Variants in SYNJ2BP observed in about 807,000 individuals in gnomAD.
The protein encoded by SYNJ2BP is synaptojanin-2-binding protein.
A neutral mutation model predicts 16.9 loss-of-function variants in SYNJ2BP; 10 were observed. The ratio of observed to expected loss-of-function variants is 0.59; its 90% CI spans 0.36 to 1.00. The LOEUF (loss-of-function observed/expected upper bound fraction) is 1.00, where lower values mean the gene tolerates loss of function less well. Ranked by LOEUF, SYNJ2BP falls within the 50% of genes least tolerant of loss-of-function variation. The pLI, the probability that SYNJ2BP is intolerant of heterozygous loss-of-function variation, is 0.01. For missense variants in SYNJ2BP, 162 were observed against 186.7 expected (o/e 0.87, Z 0.77); for synonymous variants, 54 against 68.4 (o/e 0.79, Z 1.04).
At chr14:70,384,802 A>G (rs1887825081) in intron 2 of SYNJ2BP, among the ~76,000 whole-genome samples, 2 of 152,204 alleles carry the variant, frequency 1.3e-5, no homozygotes, top group South Asian at 2.1e-4. Context: ...ACTTAAAACC[A>G]TGATTTTAAG....
intron 1 of SYNJ2BP, among the ~76,000 whole-genome samples, chr14:70,402,638 G>C (rs941878793): frequency 1.3e-5 from 2 of 149,994 alleles, no homozygotes; most frequent in Non-Finnish European, 3.0e-5. Flanking sequence ...CTCAAGACCA[G>C]CCTGGGTAAC....
chr14:70,414,837 G>C (rs1428171732), intron 1 of SYNJ2BP, among the ~76,000 whole-genome samples: 1 of 152,176 alleles, frequency 6.6e-6, no homozygotes, highest in African/African-American at 2.4e-5. Context: ...AAGAGAACAA[G>C]TTATCAATGG....
intron 2 of SYNJ2BP, among the ~76,000 whole-genome samples, chr14:70,385,581 A>G (rs758591982): frequency 5.3e-5 from 8 of 151,450 alleles, no homozygotes; most frequent in Non-Finnish European, 2.9e-5. Flanking sequence ...GGGTTTTGCC[A>G]TGTTGGCCAG....
At chr14:70,390,320 G>A (rs1428412684) in intron 1 of SYNJ2BP, among the ~76,000 whole-genome samples, 1 of 152,158 alleles carries the variant, frequency 6.6e-6, no homozygotes, top group Admixed American at 6.5e-5. Flanking sequence ...CAATTGGAAG[G>A]AATAACCATA....
chr14:70,387,480 C>A (rs1316109496), intron 2 of SYNJ2BP, among the ~76,000 whole-genome samples: 1 of 152,138 alleles, frequency 6.6e-6, no homozygotes, highest in East Asian at 1.9e-4. Flanking sequence ...GCCTGAATTT[C>A]TTAACTTGTT....
intron 2 of SYNJ2BP, among the ~76,000 whole-genome samples, chr14:70,388,250 C>T (rs186477378): frequency 6.6e-5 from 10 of 152,340 alleles, no homozygotes; most frequent in East Asian, 1.9e-4. Context: ...AGTAACTTCA[C>T]ATTCTGGGCT....
Position 70,371,082 on chromosome 14 carries a change from T to C in SYNJ2BP, c.*1909A>G, listed in dbSNP as rs1020995129. 73 of 152,242 alleles carry C rather than the reference T, an allele frequency of 4.8e-4. No individual in the cohort carries two copies. The highest frequency in any genetic ancestry group is 1.7e-3 in the African/African-American group (70 of 41,464). The allele number at this position is 152,242 out of a possible 1,614,324, so 9.4% of individuals were successfully genotyped here. A position where few individuals can be genotyped will look rare whatever the true frequency, so the allele number is the denominator to read the frequency against. ...GAAATACAGTTGATTGCCTGAGTCC[T>C]GATAATCTTGCTAACAAAATTATAA... On this transcript the variant is annotated 3_prime_UTR_variant, in exon 4 of 4. Transcript: ENST00000256366.
At chr14:70,384,273 T>C (rs1175097323) in intron 2 of SYNJ2BP, among the ~76,000 whole-genome samples, 2 of 152,130 alleles carry the variant, frequency 1.3e-5, no homozygotes, top group Non-Finnish European at 2.9e-5. Context: ...CTAGCAAACA[T>C]TACTAGAGGA....
At chr14:70,394,110 G>A (rs1888039365) in intron 1 of SYNJ2BP, among the ~76,000 whole-genome samples, 1 of 151,548 alleles carries the variant, frequency 6.6e-6, no homozygotes, top group Non-Finnish European at 1.5e-5. Flanking sequence ...AACCAGGCTT[G>A]TAAAAATATA....
intron 1 of SYNJ2BP, among the ~76,000 whole-genome samples, chr14:70,412,579 A>AGTATATATATGTATGTATAGTATATATAC (rs1888506426): frequency 1.3e-5 from 2 of 148,592 alleles, no homozygotes; most frequent in African/African-American, 4.9e-5. Context: ...GTATATATAC[A>AGTATATATATGTATGTATAGTATATATAC]GTATATATAT....
chr14:70,376,581 G>A (rs1887635827), intron 2 of SYNJ2BP, among the ~76,000 whole-genome samples: 4 of 152,176 alleles, frequency 2.6e-5, no homozygotes, highest in Admixed American at 1.3e-4. Flanking sequence ...CAATGTCATC[G>A]TTAACAGTAG....
chr14:70,376,868 T>C (rs550925475), intron 2 of SYNJ2BP, among the ~76,000 whole-genome samples: 27 of 152,298 alleles, frequency 1.8e-4, no homozygotes, highest in African/African-American at 6.3e-4. Context: ...CAGCTAATGC[T>C]CAAGTCACTC....
intron 2 of SYNJ2BP, among the ~76,000 whole-genome samples, chr14:70,376,625 T>C (rs1054991683): frequency 2.0e-5 from 3 of 152,262 alleles, no homozygotes; most frequent in African/African-American, 7.2e-5. Context: ...TTTCTTTTGA[T>C]AGGTTCTGTA....
chr14:70,412,110 G>C (rs916874639), intron 1 of SYNJ2BP, among the ~76,000 whole-genome samples: 4 of 152,082 alleles, frequency 2.6e-5, no homozygotes, highest in Non-Finnish European at 5.9e-5. Flanking sequence ...TTGATTTTAG[G>C]TACTCACCTT....
At chr14:70,391,784 G>A (rs554655935) in intron 1 of SYNJ2BP, among the ~76,000 whole-genome samples, 5 of 152,220 alleles carry the variant, frequency 3.3e-5, no homozygotes, top group African/African-American at 7.2e-5. Flanking sequence ...AAAAAGAGCC[G>A]TCTACTACAC....
chr14:70,390,233 T>A (rs1208899646), intron 1 of SYNJ2BP, among the ~76,000 whole-genome samples: 3 of 152,194 alleles, frequency 2.0e-5, no homozygotes, highest in African/African-American at 7.2e-5. Context: ...TTTCTTAATG[T>A]CAGCTACTGG....
At chr14:70,388,014 G>GCTCT (rs1887898240) in intron 2 of SYNJ2BP, among the ~76,000 whole-genome samples, 1 of 152,052 alleles carries the variant, frequency 6.6e-6, no homozygotes, top group African/African-American at 2.4e-5. Flanking sequence ...GTGAAAAAGG[G>GCTCT]CTCTGAGTCT....
At chr14:70,396,274 C>T (rs773499115) in intron 1 of SYNJ2BP, among the ~76,000 whole-genome samples, 3 of 152,150 alleles carry the variant, frequency 2.0e-5, no homozygotes, top group Non-Finnish European at 2.9e-5. Flanking sequence ...CCTGCCACCA[C>T]GCCTGGCTAA....
intron 1 of SYNJ2BP, among the ~76,000 whole-genome samples, chr14:70,415,364 C>T (rs1244499617): frequency 6.6e-6 from 1 of 151,484 alleles, no homozygotes; most frequent in Non-Finnish European, 1.5e-5. Flanking sequence ...GCCTGGGCAA[C>T]GTAGTGAAAC....
Sources: gnomAD v4.1 joint callset for allele counts (sites outside exome capture counted in the v4.1 genomes callset) on GRCh38, gnomAD v4.1.1 for gene constraint, MANE v1.5 for transcripts, NCBI Gene and HGNC (gene_info 2026-07-23, HGNC 2026-07-21) for gene names.